CCM2: variants seen among roughly 807,000 people sequenced by gnomAD.
The protein encoded by CCM2 is cerebral cavernous malformations 2 protein.
A neutral mutation model predicts 44.9 loss-of-function variants in CCM2; 25 were observed. That is an observed-to-expected ratio of 0.56 (90% confidence interval 0.41 to 0.78). CCM2 has a LOEUF of 0.78. Ranked by LOEUF, CCM2 falls within the 30% of genes least tolerant of loss-of-function variation. CCM2 has a pLI of 0.00. For synonymous variants in CCM2, 219 were observed against 241.1 expected, an observed-to-expected ratio of 0.91 and a Z score of 0.85; for missense variants, 481 against 580.6, an observed-to-expected ratio of 0.83 and a Z score of 1.76.
intron 2 of CCM2, among the ~76,000 whole-genome samples, chr7:45,055,248 A>G (rs10272689): frequency 0.13 from 20,188 of 152,246 alleles, 1,651 homozygotes; most frequent in Middle Eastern, 0.23. Context: ...AGCACTTGAC[A>G]TATGACCCCA....
intron 1 of CCM2, among the ~76,000 whole-genome samples, chr7:45,023,105 A>C (rs1457562730): frequency 6.6e-6 from 1 of 151,942 alleles, no homozygotes. Context: ...GTAATTTTTC[A>C]TCTCTCACCT....
At chr7:45,030,978 C>A (rs1292656241) in intron 1 of CCM2, among the ~76,000 whole-genome samples, 2 of 152,054 alleles carry the variant, frequency 1.3e-5, no homozygotes, top group African/African-American at 2.4e-5. Flanking sequence ...CCTGCCTTAG[C>A]CTCCCAAAGT....
intron 1 of CCM2, among the ~76,000 whole-genome samples, chr7:45,009,451 A>T (rs1583839305): frequency 1.8e-5 from 2 of 109,362 alleles, no homozygotes; most frequent in South Asian, 6.6e-4. Flanking sequence ...GTCACCTAGG[A>T]TGGAGTGCAA....
chr7:45,018,998 G>T (rs184280250), intron 1 of CCM2, among the ~76,000 whole-genome samples: 1 of 149,254 alleles, frequency 6.7e-6, no homozygotes, highest in Non-Finnish European at 1.5e-5. Flanking sequence ...GACCTCAGAT[G>T]ATCTGCCTGC....
intron 1 of CCM2, among the ~76,000 whole-genome samples, chr7:45,018,290 T>C (rs1340221531): frequency 6.6e-6 from 1 of 152,186 alleles, no homozygotes; most frequent in Non-Finnish European, 1.5e-5. Context: ...GCCTGGGGGC[T>C]GGGGACCTCT....
intron 7 of CCM2, chr7:45,072,986 C>T: frequency 1.5e-6 from 1 of 658,370 alleles, no homozygotes; most frequent in Non-Finnish European, 2.8e-6. Flanking sequence ...CTTGCTGTCC[C>T]TCTTGTCTCT....
In CCM2 at chr7:45,076,070, G is replaced by A. The variant is rs767862839; in HGVS notation, c.*13G>A. 3.1e-6 allele frequency: 5 copies of A among 1,612,378 alleles called. No homozygotes were observed. Among genetic ancestry groups the A allele is most frequent in the South Asian group, 1.1e-5 (1 of 91,058 alleles). On this transcript the variant is annotated 3_prime_UTR_variant, in exon 10 of 10. Coordinates refer to ENST00000258781, the MANE Select transcript of CCM2 (RefSeq NM_031443.4). Reference sequence around the variant, plus strand: ...GGACTCAGCATGATGGACAGTGGATGGGGGGGCACCCACACCTTCCGCGCA... The same window carrying A: ...GGACTCAGCATGATGGACAGTGGATAGGGGGGCACCCACACCTTCCGCGCA...
intron 1 of CCM2, among the ~76,000 whole-genome samples, chr7:45,034,612 C>G (rs973845149): frequency 4.8e-5 from 7 of 147,100 alleles, no homozygotes; most frequent in Non-Finnish European, 1.1e-4. Flanking sequence ...TCCGCTTCCC[C>G]GGTTCAAGCA....
chr7:45,044,577 A>G lies in CCM2; in HGVS notation c.204+6151A>G, dbSNP rs1797665588. Among the ~76,000 whole-genome samples the G allele has an allele frequency of 2.0e-5, 3 of 152,284 alleles. No individual in the cohort carries two copies. In the South Asian group the frequency reaches 6.2e-4, roughly 32 times the overall value. ...GACTCTTGACTTCCTTACAGCATAA[A>G]CTACACTTCTGGTCCTCAAGATTTA... is the stretch of plus-strand genomic sequence containing the variant. On this transcript the variant is annotated intron_variant, in intron 2 of 9. Transcript: ENST00000258781.
intron 2 of CCM2, among the ~76,000 whole-genome samples, chr7:45,055,404 A>T (rs1160902459): frequency 6.6e-6 from 1 of 152,182 alleles, no homozygotes; most frequent in Admixed American, 6.5e-5. Context: ...AAGATTTATT[A>T]TCGGCCGGGC....
chr7:45,023,896 T>C (rs182029892), intron 1 of CCM2, among the ~76,000 whole-genome samples: 95 of 147,258 alleles, frequency 6.5e-4, no homozygotes, highest in African/African-American at 2.1e-3. Flanking sequence ...CTGCAACCTC[T>C]GCCTCCCAGG....
chr7:45,027,169 A>G (rs1796725761), intron 1 of CCM2: 1 of 210,344 alleles, frequency 4.8e-6, no homozygotes. Flanking sequence ...CCACCTGGGA[A>G]TGGAGTTATC....
chr7:45,038,769 C>G (rs988774878), intron 2 of CCM2, among the ~76,000 whole-genome samples: 6 of 152,184 alleles, frequency 3.9e-5, no homozygotes. Flanking sequence ...AAAGAGTTAC[C>G]TGGTCAAGGC....
chr7:45,019,940 G>A (rs527728429), intron 1 of CCM2, among the ~76,000 whole-genome samples: 102 of 152,202 alleles, frequency 6.7e-4, no homozygotes, highest in African/African-American at 2.2e-3. Context: ...TCTCACCTCC[G>A]CTTACGCAGT....
At chr7:45,018,548 A>T (rs1428455176) in intron 1 of CCM2, among the ~76,000 whole-genome samples, 2 of 151,858 alleles carry the variant, frequency 1.3e-5, no homozygotes, top group African/African-American at 4.8e-5. Flanking sequence ...TTTAGCAGAG[A>T]TGGGGTTTCA....
At chr7:45,039,026 C>T (rs73107941) in intron 2 of CCM2, among the ~76,000 whole-genome samples, 227 of 152,244 alleles carry the variant, frequency 1.5e-3, no homozygotes, top group Non-Finnish European at 2.8e-3. Context: ...AGAAGGAAAC[C>T]GCTGAGGGTG....
chr7:45,033,745 A>G (rs1433100803), intron 1 of CCM2, among the ~76,000 whole-genome samples: 1 of 152,140 alleles, frequency 6.6e-6, no homozygotes, highest in Non-Finnish European at 1.5e-5. Flanking sequence ...GGTCTTGCAC[A>G]TCATAGGGCC....
At chr7:45,014,780 CCTGT>C (rs1397206169) in intron 1 of CCM2, among the ~76,000 whole-genome samples, 2 of 151,996 alleles carry the variant, frequency 1.3e-5, no homozygotes, top group African/African-American at 2.4e-5. Flanking sequence ...CACCACCAAG[CCTGT>C]CTAATTTTTG....
chr7:45,057,453 G>C (rs969129594), intron 2 of CCM2, among the ~76,000 whole-genome samples: 1 of 152,152 alleles, frequency 6.6e-6, no homozygotes, highest in Non-Finnish European at 1.5e-5. Flanking sequence ...GAGCCACCGC[G>C]CCTGGCCTTG....
Sources: allele counts gnomAD v4.1 joint callset (sites outside exome capture counted in the v4.1 genomes callset), GRCh38; gene constraint gnomAD v4.1.1; transcripts MANE v1.5; gene names NCBI Gene and HGNC (gene_info 2026-07-23, HGNC 2026-07-21).